The following AP1S3 variants were observed in gnomAD, a reference collection of about 807,000 sequenced individuals.
AP1S3 encodes AP-1 complex subunit sigma-3.
A neutral mutation model predicts 20.9 loss-of-function variants in AP1S3; 10 were observed. That is an observed-to-expected ratio of 0.48 (90% CI 0.29 to 0.81). The LOEUF is 0.81. Among genes scored for constraint, AP1S3 ranks in the 30% least tolerant of loss-of-function variants. AP1S3 has a pLI of 0.08. For synonymous variants in AP1S3, 41 were observed against 61.5 expected (o/e 0.67, Z 1.56); for missense variants, 154 against 183.8 (o/e 0.84, Z 0.94).
At chr2:223,765,018 G>C (rs1025106621) in intron 4 of AP1S3, 195 bp downstream of exon 4, 4 of 684,570 alleles carry the variant, frequency 5.8e-6, no homozygotes, top group Non-Finnish European at 8.8e-6. Flanking sequence ...TTACTCATCT[G>C]TAAAGTGGGA....
intron 1 of AP1S3, among the ~76,000 whole-genome samples, chr2:223,788,762 T>TAAA (rs778744960): frequency 3.6e-5 from 4 of 110,102 alleles, no homozygotes; most frequent in South Asian, 2.6e-4. Context: ...AGACTCTGTC[T>TAAA]AAAAAAAAAA....
At chr2:223,802,296 A>G (rs954472400) in intron 1 of AP1S3, among the ~76,000 whole-genome samples, 1 of 140,772 alleles carries the variant, frequency 7.1e-6, no homozygotes, top group African/African-American at 2.7e-5. Flanking sequence ...GAAAGCATCC[A>G]GTTTTATTTT....
intron 1 of AP1S3, among the ~76,000 whole-genome samples, chr2:223,801,782 T>A (rs1367617556): frequency 4.6e-5 from 7 of 152,088 alleles, no homozygotes. Context: ...CTGCCCCATC[T>A]AATACTAACG....
intron 1 of AP1S3, among the ~76,000 whole-genome samples, chr2:223,813,086 G>A (rs929334856): frequency 2.6e-5 from 4 of 151,842 alleles, no homozygotes; most frequent in African/African-American, 7.3e-5. Context: ...GTGCCACCAC[G>A]CCCAGCTTTT....
At chr2:223,808,273 T>C (rs1051600139) in intron 1 of AP1S3, among the ~76,000 whole-genome samples, 7 of 152,122 alleles carry the variant, frequency 4.6e-5, no homozygotes, top group Non-Finnish European at 7.3e-5. Flanking sequence ...AACAACATCA[T>C]TGGCAGACAT....
At chr2:223,811,580 A>AG (rs1379059918) in intron 1 of AP1S3, among the ~76,000 whole-genome samples, 1 of 151,710 alleles carries the variant, frequency 6.6e-6, no homozygotes, top group African/African-American at 2.4e-5. Flanking sequence ...AAAAAAAAAA[A>AG]AGAAAAAAAG....
chr2:223,802,422 C>T (rs1003804558), intron 1 of AP1S3, among the ~76,000 whole-genome samples: 7 of 152,042 alleles, frequency 4.6e-5, no homozygotes, highest in Admixed American at 4.6e-4. Flanking sequence ...CCTGCCTCAA[C>T]CTCCCGAGTA....
At chr2:223,824,125 G>A (rs1692060065) in intron 1 of AP1S3, among the ~76,000 whole-genome samples, 1 of 152,068 alleles carries the variant, frequency 6.6e-6, no homozygotes, top group Admixed American at 6.6e-5. Context: ...CTGAGTAGCT[G>A]GGACTACAGG....
Position 223,758,473 on chromosome 2 carries a change from T to C in AP1S3, c.*242A>G. The C allele has an allele frequency of 8.4e-7, 1 of 1,189,278 alleles. No individual in the cohort carries two copies. Among genetic ancestry groups the C allele is most frequent in the Non-Finnish European group, 1.0e-6 (1 of 961,308 alleles). The allele number at this position is 1,189,278 out of a possible 1,614,324, so 73.7% of individuals were successfully genotyped here. On this transcript the variant is annotated 3_prime_UTR_variant, in exon 5 of 5. Coordinates refer to ENST00000396654, the MANE Select transcript of AP1S3 (RefSeq NM_001039569.2). ...GTCTGTTGGGTTAGGTGGTAGTTACTTTAAACATTTAGAGCTACAAGTACC... is the reference window on the plus strand; with the variant it reads ...GTCTGTTGGGTTAGGTGGTAGTTACCTTAAACATTTAGAGCTACAAGTACC...
At chr2:223,773,406 G>A in intron 3 of AP1S3, 1 of 1,284,346 alleles carries the variant, frequency 7.8e-7, no homozygotes, top group Non-Finnish European at 1.0e-6. Flanking sequence ...TTGAATAGTA[G>A]AAAGTATTAA....
chr2:223,794,580 T>A (rs545123338), intron 1 of AP1S3, among the ~76,000 whole-genome samples: 3 of 152,340 alleles, frequency 2.0e-5, no homozygotes, highest in Non-Finnish European at 4.4e-5. Flanking sequence ...GTAAGAAGTA[T>A]CTAATAGCAT....
At chr2:223,829,855 A>AAC (rs34584471) in intron 1 of AP1S3, among the ~76,000 whole-genome samples, 43,568 of 150,842 alleles carry the variant, frequency 0.29, 7,056 homozygotes, top group Middle Eastern at 0.41. Context: ...ACAAAAAAAA[A>AAC]ACAAAAAAAC....
chr2:223,810,214 A>C (rs1691689586), intron 1 of AP1S3, among the ~76,000 whole-genome samples: 1 of 152,216 alleles, frequency 6.6e-6, no homozygotes, highest in African/African-American at 2.4e-5. Context: ...AAAGCAAAAC[A>C]CGGCTGACCC....
At chr2:223,772,944 TTGCTCTTAGC>T (rs1292319395) in intron 3 of AP1S3, among the ~76,000 whole-genome samples, 3 of 152,342 alleles carry the variant, frequency 2.0e-5, no homozygotes, top group African/African-American at 4.8e-5. Flanking sequence ...TAGCCTTGAA[TTGCTCTTAGC>T]TGCTCTTAGC....
intron 1 of AP1S3, among the ~76,000 whole-genome samples, chr2:223,816,991 G>A (rs1249608203): frequency 6.6e-6 from 1 of 152,148 alleles, no homozygotes. Context: ...TAGGTGTGGT[G>A]ATGCATACCT....
chr2:223,803,992 A>G (rs1310763327), intron 1 of AP1S3, among the ~76,000 whole-genome samples: 1 of 152,192 alleles, frequency 6.6e-6, no homozygotes, highest in Non-Finnish European at 1.5e-5. Context: ...GTAAAGTGCA[A>G]GGATGACTTT....
intron 1 of AP1S3, among the ~76,000 whole-genome samples, chr2:223,795,109 C>T (rs936551366): frequency 1.3e-5 from 2 of 152,078 alleles, no homozygotes; most frequent in Non-Finnish European, 2.9e-5. Flanking sequence ...ATTAGCCGGG[C>T]GTGGTGGCAC....
rs533574227 is a variant in AP1S3 at position 223,799,348 on chromosome 2, G to A, written c.4-21479C>T. Among the ~76,000 whole-genome samples the A allele has an allele frequency of 2.0e-5, 3 of 152,104 alleles. No homozygotes were observed. In the South Asian group the frequency reaches 6.2e-4, roughly 32 times the overall value. ...TAAACCACCGCAAGCCAGGAGAAAG[G>A]CAAGCAACCCATTCTCTCTTGAGAG... On this transcript the variant is annotated intron_variant, in intron 1 of 4. Coordinates refer to ENST00000396654, the MANE Select transcript of AP1S3 (RefSeq NM_001039569.2).
chr2:223,790,019 T>G (rs1413743224), intron 1 of AP1S3, among the ~76,000 whole-genome samples: 1 of 152,080 alleles, frequency 6.6e-6, no homozygotes, highest in Non-Finnish European at 1.5e-5. Flanking sequence ...ACAATGAATT[T>G]TAGAAGCCCA....
Sources: gnomAD v4.1 joint callset for allele counts (sites outside exome capture counted in the v4.1 genomes callset) on GRCh38, gnomAD v4.1.1 for gene constraint, MANE v1.5 for transcripts, NCBI Gene and HGNC (gene_info 2026-07-23, HGNC 2026-07-21) for gene names.